The following CLSPN variants were observed in gnomAD, a reference collection of about 807,000 sequenced individuals.
CLSPN encodes claspin homolog.
Under a neutral mutation model 156.3 loss-of-function variants are expected in CLSPN, and 85 were observed. That is an observed-to-expected ratio of 0.54 (90% confidence interval 0.46 to 0.65). The LOEUF (loss-of-function observed/expected upper bound fraction) is 0.65, where lower values mean the gene tolerates loss of function less well. Among genes scored for constraint, CLSPN ranks in the 30% least tolerant of loss-of-function variants. The probability of loss-of-function intolerance (pLI) is 0.00; values close to 1 mark genes in which losing one functional copy is unlikely to be tolerated. For missense variants in CLSPN, 1,407 were observed against 1,554.9 expected (o/e 0.90, Z 1.60); for synonymous variants, 534 against 542.4 (o/e 0.98, Z 0.22).
chr1:35,751,090 T>C (rs1163089771), intron 10 of CLSPN, among the ~76,000 whole-genome samples, 160 bp downstream of exon 10: 2 of 151,580 alleles, frequency 1.3e-5, no homozygotes, highest in African/African-American at 4.8e-5. Flanking sequence ...CTGACAGAAC[T>C]GAAGTTCCTA....
chr1:35,753,149 G>C (rs1350125941), intron 9 of CLSPN, among the ~76,000 whole-genome samples: 3 of 152,180 alleles, frequency 2.0e-5, no homozygotes, highest in African/African-American at 7.2e-5. Context: ...CTGGAGTGCA[G>C]TGCCACAATC....
In CLSPN at chr1:35,760,476, G is replaced by T. The variant is rs1642434659; in HGVS notation, c.1445C>A (p.Ala482Glu). The stretch of plus-strand genomic sequence containing the variant: ...TCTCACTTTTTCAGGTGGCCCAACT[G>T]CTGATGATTTATTTTGCTGCTCAGG... ...EEPEQQNKSS[A>E]VGPPEKVRRF... is the part of the protein sequence containing the mutation. Residue 482 changes from alanine to glutamate, a missense_variant, in exon 8 of 25, where the codon GCA becomes GAA. Physicochemically the swap from Ala to Glu is moderately radical, Grantham distance 107 (BLOSUM62 -1). Around this residue, in one of 3 missense-constraint regions of CLSPN, gnomAD observed 1,096 missense variants for 1,193.0 expected, o/e 0.92. Coordinates refer to ENST00000318121, the MANE Select transcript of CLSPN (RefSeq NM_022111.4). 6.2e-7 allele frequency: 1 copy of T among 1,614,190 alleles called. No individual in the cohort carries two copies. Among genetic ancestry groups the T allele is most frequent in the Admixed American group, 1.7e-5 (1 of 60,028 alleles).
intron 14 of CLSPN, 69 bp from the exon 15 acceptor site, chr1:35,747,061 G>T (rs931422344): frequency 5.0e-5 from 60 of 1,189,464 alleles, no homozygotes; most frequent in Middle Eastern, 1.9e-4. Flanking sequence ...GGTAGCTCAC[G>T]CCTGTAATCC....
chr1:35,769,881 T>C lies in CLSPN; in HGVS notation c.-11A>G. On this transcript the variant is annotated 5_prime_UTR_variant, in exon 1 of 25. Transcript: ENST00000318121. ...CACCTCGCCTGTCATGACTTCTGCC[T>C]CCCCTGCGCTCCACTAGGGACGGAG... 6.2e-7 allele frequency: 1 copy of C among 1,608,908 alleles called. No homozygotes were observed. The highest frequency in any genetic ancestry group is 1.1e-5 in the South Asian group (1 of 90,384).
At chr1:35,757,420 A>G (rs966064563) in intron 8 of CLSPN, among the ~76,000 whole-genome samples, 3 of 152,198 alleles carry the variant, frequency 2.0e-5, no homozygotes, top group Non-Finnish European at 4.4e-5. Flanking sequence ...TTTCGTGTCA[A>G]TTATTTCTAA....
At chr1:35,768,363 G>A (rs1194017525) in intron 1 of CLSPN, among the ~76,000 whole-genome samples, 3 of 85,660 alleles carry the variant, frequency 3.5e-5, no homozygotes, top group South Asian at 4.7e-4. Flanking sequence ...GCGAGACTCC[G>A]TCTCAAAAAA....
At chr1:35,753,707 A>G in intron 9 of CLSPN, 38 bp downstream of exon 9, 1 of 1,593,916 alleles carries the variant, frequency 6.3e-7, no homozygotes, top group Middle Eastern at 1.7e-4. Flanking sequence ...TAGAATACAA[A>G]GCAAAAAGCA....
downstream of CLSPN, among the ~76,000 whole-genome samples, chr1:35,729,415 T>A (rs1419695090): frequency 6.6e-6 from 1 of 152,162 alleles, no homozygotes; most frequent in Non-Finnish European, 1.5e-5. Flanking sequence ...TCAAACTCCC[T>A]TTTCCCATTA....
At chr1:35,767,317 T>C (rs987143631) in intron 1 of CLSPN, among the ~76,000 whole-genome samples, 1 of 152,202 alleles carries the variant, frequency 6.6e-6, no homozygotes, top group Non-Finnish European at 1.5e-5. Context: ...GGAAAGCTCT[T>C]GTTTGTTAGA....
rs1222789867 is a variant in CLSPN, at chr1:35,733,320, C to CTTTTTTTTTTTT, written c.*3164_*3175dup. 1.8e-4 allele frequency: 24 copies of CTTTTTTTTTTTT among 135,736 alleles called. No homozygotes were observed. Among genetic ancestry groups the CTTTTTTTTTTTT allele is most frequent in the Non-Finnish European group, 2.9e-4 (20 of 69,780 alleles). 8.4% of individuals were successfully genotyped at this position (135,736 alleles called of 1,614,324 possible). On this transcript the variant is annotated 3_prime_UTR_variant, in exon 25 of 25. Coordinates refer to ENST00000318121, the MANE Select transcript of CLSPN (RefSeq NM_022111.4). ...CAGGCACTAATTTTCTTTTTTTTTT[C>CTTTTTTTTTTTT]TTTTTTTTTTTTTTTTTAGAGTTGG...
At chr1:35,753,981 ACT>A (rs770649093) in intron 8 of CLSPN, 45 bp from the exon 9 acceptor site, 2 of 1,581,154 alleles carry the variant, frequency 1.3e-6, no homozygotes, top group Admixed American at 3.5e-5. Context: ...CATGCTCAAA[ACT>A]CTTTCCTTTA....
chr1:35,744,694 T>C (rs1368208517), intron 16 of CLSPN, among the ~76,000 whole-genome samples: 8 of 152,246 alleles, frequency 5.3e-5, no homozygotes, highest in Non-Finnish European at 1.0e-4. Context: ...ATGTTTTGAC[T>C]ACTTACTGTG....
chr1:35,735,640 A>C lies in CLSPN; in HGVS notation c.*856T>G. The C allele has an allele frequency of 1.2e-6, 1 of 803,728 alleles. No individual in the cohort carries two copies. The highest frequency in any genetic ancestry group is 1.5e-6 in the Non-Finnish European group (1 of 664,634). 49.8% of individuals were successfully genotyped at this position (803,728 alleles called of 1,614,324 possible). On this transcript the variant is annotated 3_prime_UTR_variant, in exon 25 of 25. Coordinates refer to ENST00000318121, the MANE Select transcript of CLSPN (RefSeq NM_022111.4). ...GGAGAATCACTTGAACCCGGGAGGC[A>C]GAGGTTGCCGTGAGCCGAGATTGCG...
intron 9 of CLSPN, 42 bp downstream of exon 9, chr1:35,753,703 A>G (rs755005517): frequency 1.3e-6 from 2 of 1,577,456 alleles, no homozygotes; most frequent in African/African-American, 1.4e-5. Flanking sequence ...CTGTTAGAAT[A>G]CAAAGCAAAA....
chr1:35,765,321 G>C lies in CLSPN; in HGVS notation c.30C>G (p.His10Gln). The change falls in exon 2 of 25, where the codon CAC becomes CAG. Residue 10 changes from histidine to glutamine, a missense_variant. Coordinates refer to ENST00000318121, the MANE Select transcript of CLSPN (RefSeq NM_022111.4). MTGEVGSEV[H>Q]LEINDPNVIS... ...TGACGTTTGGGTCATTGATTTCTAG[G>C]TGAACCTAGAAAATGACAATATACT... 6.2e-7 allele frequency: 1 copy of C among 1,610,030 alleles called. No homozygotes were observed. The highest frequency in any genetic ancestry group is 8.5e-7 in the Non-Finnish European group (1 of 1,176,814).
intron 1 of CLSPN, among the ~76,000 whole-genome samples, chr1:35,765,535 C>T (rs980076721): frequency 3.3e-5 from 5 of 151,952 alleles, no homozygotes; most frequent in Admixed American, 1.3e-4. Context: ...ACAGAACCAA[C>T]TCTTTTAGTA....
In CLSPN at chr1:35,745,432, C is replaced by T. The variant is rs755663645; in HGVS notation, c.2966+19G>A. The T allele has an allele frequency of 2.6e-6, 4 of 1,558,494 alleles. No homozygotes were observed. The South Asian group carries it at 4.4e-5, about 17-fold the overall frequency. ...CAAAAGGCCAGGCCTTCCCAAATTC[C>T]CAGCAATCTGAGACTTACTTGTCTG... On this transcript the variant is annotated intron_variant, in intron 16 of 24. Transcript: ENST00000318121.
intron 10 of CLSPN, among the ~76,000 whole-genome samples, chr1:35,750,685 G>A (rs1040409767): frequency 4.0e-5 from 6 of 151,852 alleles, no homozygotes; most frequent in Non-Finnish European, 7.4e-5. Flanking sequence ...GAGCCACCCT[G>A]CCCGGCCCAA....
At chr1:35,743,761 C>T (rs12080412) in intron 16 of CLSPN, among the ~76,000 whole-genome samples, 14,704 of 151,956 alleles carry the variant, frequency 0.097, 1,113 homozygotes, top group African/African-American at 0.22. Context: ...GTAGCTGGGA[C>T]TAGAGATACA....
Sources: allele counts gnomAD v4.1 joint callset (sites outside exome capture counted in the v4.1 genomes callset), GRCh38; gene constraint gnomAD v4.1.1; regional missense constraint gnomAD v4.1.1; transcripts MANE v1.5; gene names NCBI Gene and HGNC (gene_info 2026-07-23, HGNC 2026-07-21).